The following DMD variants were observed in gnomAD, a reference collection of about 807,000 sequenced individuals.
The protein encoded by DMD is dystrophin.
Under a neutral mutation model 330.1 loss-of-function variants are expected in DMD, and 63 were observed. That is an observed-to-expected ratio of 0.19 (90% CI 0.16 to 0.24). The LOEUF (loss-of-function observed/expected upper bound fraction) is 0.24. Ranked by LOEUF, DMD falls within the 10% of genes least tolerant of loss-of-function variation. DMD has a pLI of 1.00. For synonymous variants in DMD, 1,223 were observed against 959.8 expected (o/e 1.27, Z -5.07); for missense variants, 3,344 against 2,684.1 (o/e 1.25, Z -5.43).
chrX:33,037,472 C>A (rs1369619753), intron 1 of DMD, among the ~76,000 whole-genome samples: 5 of 111,243 alleles, frequency 4.5e-5, no homozygotes, highest in South Asian at 3.7e-4. Context: ...TGCATAGGGC[C>A]ATTTAAACCC....
intron 1 of DMD, among the ~76,000 whole-genome samples, chrX:33,234,835 A>C (rs769297737): frequency 9.0e-5 from 10 of 111,317 alleles, no homozygotes; most frequent in Non-Finnish European, 1.7e-4. Flanking sequence ...CTCTGGGTTT[A>C]GATCCCTCCT....
chrX:32,346,144 A>G lies in DMD; in HGVS notation c.5449-64T>C, dbSNP rs925927366. ...TTAAAAAGCTGTACATTGTTAACAG[A>G]GATAATAAGACATGTTATTTAAACA... On this transcript the variant is annotated intron_variant, in intron 38 of 78. Transcript: ENST00000357033. 18 of 1,104,856 alleles carry G rather than the reference A, an allele frequency of 1.6e-5. No individual in the cohort carries two copies. In the East Asian group the frequency reaches 3.0e-4, roughly 19 times the overall value. 91.1% of individuals were successfully genotyped at this position (1,104,856 alleles called of 1,213,427 possible).
At chrX:32,812,469 C>A (rs757201469) in intron 6 of DMD, among the ~76,000 whole-genome samples, 4 of 111,059 alleles carry the variant, frequency 3.6e-5, no homozygotes, top group African/African-American at 1.3e-4. Flanking sequence ...CCCGACACTA[C>A]TAAAAATACA....
chrX:31,247,384 G>C, intron 63 of DMD, among the ~76,000 whole-genome samples: 1 of 110,683 alleles, frequency 9.0e-6, no homozygotes, highest in East Asian at 2.8e-4. Context: ...GGTGGATCAT[G>C]AGGTCAGGAG....
intron 2 of DMD, among the ~76,000 whole-genome samples, chrX:33,008,810 A>G (rs1200885131): frequency 1.0e-5 from 1 of 98,854 alleles, no homozygotes; most frequent in African/African-American, 3.9e-5. Context: ...ATACGTATAT[A>G]TACACATAAA....
chrX:33,292,242 T>C (rs1020724193), intron 1 of DMD, among the ~76,000 whole-genome samples: 1 of 111,294 alleles, frequency 9.0e-6, no homozygotes, highest in Admixed American at 9.6e-5. Context: ...CATTAGAAGA[T>C]ACAAATTTTC....
intron 48 of DMD, among the ~76,000 whole-genome samples, chrX:31,862,066 C>A (rs2093716224): frequency 9.1e-6 from 1 of 109,759 alleles, no homozygotes; most frequent in Non-Finnish European, 1.9e-5. Flanking sequence ...GACAACAATG[C>A]AACAGAGGAT....
chrX:32,647,533 T>G (rs989922641), intron 9 of DMD, among the ~76,000 whole-genome samples: 1 of 111,782 alleles, frequency 8.9e-6, no homozygotes, highest in African/African-American at 3.3e-5. Context: ...TTCCTACTCC[T>G]GTTATGTTCC....
At chrX:31,884,690 G>A (rs921675903) in intron 47 of DMD, among the ~76,000 whole-genome samples, 1 of 111,762 alleles carries the variant, frequency 8.9e-6, no homozygotes, top group Non-Finnish European at 1.9e-5. Context: ...ATGTTCTATA[G>A]CTTGATTTAG....
chrX:32,141,704 C>T (rs2096754534), intron 44 of DMD, among the ~76,000 whole-genome samples: 1 of 107,042 alleles, frequency 9.3e-6, no homozygotes, highest in Admixed American at 1.0e-4. Flanking sequence ...CACACACACA[C>T]ACACACACAC....
At chrX:33,070,657 C>CTT (rs1465197088) in intron 1 of DMD, among the ~76,000 whole-genome samples, 1 of 42,055 alleles carries the variant, frequency 2.4e-5, no homozygotes, top group Non-Finnish European at 4.1e-5. Context: ...CTCTCTCTCT[C>CTT]TCTCTCTCTC....
intron 21 of DMD, among the ~76,000 whole-genome samples, chrX:32,480,784 A>G (rs111702952): frequency 5.9e-4 from 65 of 110,746 alleles, no homozygotes; most frequent in African/African-American, 1.9e-3. Context: ...CAATAAGCAC[A>G]TAGCTTGCTT....
At chrX:31,441,767 T>C (rs1466266369) in intron 60 of DMD, among the ~76,000 whole-genome samples, 1 of 112,294 alleles carries the variant, frequency 8.9e-6, no homozygotes, top group Non-Finnish European at 1.9e-5. Flanking sequence ...ATGTATGAAT[T>C]GCTTTTCCAG....
intron 37 of DMD, among the ~76,000 whole-genome samples, chrX:32,350,490 T>C (rs1291968438): frequency 9.0e-6 from 1 of 111,469 alleles, no homozygotes; most frequent in Non-Finnish European, 1.9e-5. Flanking sequence ...ATGCTATTTT[T>C]GAACATCTCA....
At chrX:32,367,235 A>G (rs141458833) in intron 34 of DMD, among the ~76,000 whole-genome samples, 1,536 of 111,733 alleles carry the variant, frequency 0.014, 11 homozygotes, top group South Asian at 0.079. Flanking sequence ...CTACAACCAT[A>G]GATGTTAGCC....
chrX:32,861,950 T>C (rs2045535901), intron 2 of DMD, among the ~76,000 whole-genome samples: 1 of 112,156 alleles, frequency 8.9e-6, no homozygotes, highest in South Asian at 3.8e-4. Flanking sequence ...TTACTTCCCA[T>C]GCCTCATATT....
chrX:32,275,235 A>C, intron 43 of DMD, among the ~76,000 whole-genome samples: 1 of 112,299 alleles, frequency 8.9e-6, no homozygotes, highest in East Asian at 2.8e-4. Context: ...AAAAGACAGT[A>C]TATAGAGGCT....
At chrX:32,741,991 C>G (rs142528688) in intron 7 of DMD, among the ~76,000 whole-genome samples, 5 of 111,157 alleles carry the variant, frequency 4.5e-5, no homozygotes, top group Non-Finnish European at 7.5e-5. Flanking sequence ...ACTTTTGCAC[C>G]AACTTAATAT....
At chrX:32,658,576 G>A (rs768248698) in intron 9 of DMD, among the ~76,000 whole-genome samples, 4 of 111,304 alleles carry the variant, frequency 3.6e-5, no homozygotes, top group Admixed American at 1.9e-4. Context: ...TCCTGATGAT[G>A]AAATTGCTTC....
Sources: gnomAD v4.1 joint callset for allele counts (sites outside exome capture counted in the v4.1 genomes callset) on GRCh38, gnomAD v4.1.1 for gene constraint, MANE v1.5 for transcripts, NCBI Gene and HGNC (gene_info 2026-07-23, HGNC 2026-07-21) for gene names.